Variants in SOCS2 observed in about 807,000 individuals in gnomAD.
SOCS2 encodes the protein suppressor of cytokine signaling 2.
A neutral mutation model predicts 18.6 loss-of-function variants in SOCS2; 10 were observed. That is an observed-to-expected ratio of 0.54 (90% CI 0.33 to 0.91). The LOEUF (loss-of-function observed/expected upper bound fraction) is 0.91. SOCS2 is among the 40% of genes least tolerant of loss of function. SOCS2 has a pLI of 0.02. For synonymous variants in SOCS2, 104 were observed against 104.0 expected, an observed-to-expected ratio of 1.00 and a Z score of 0.00; for missense variants, 231 against 247.2, an observed-to-expected ratio of 0.93 and a Z score of 0.44.
chr12:93,623,751 C>T, the SOCS2 span, among the ~76,000 whole-genome samples: 8 of 152,006 alleles, frequency 5.3e-5, no homozygotes, highest in Admixed American at 2.6e-4. Context: ...CTGCTGCCCA[C>T]GCAGGAGTGC....
At chr12:93,609,252 C>A in the SOCS2 span, among the ~76,000 whole-genome samples, 2 of 151,958 alleles carry the variant, frequency 1.3e-5, no homozygotes, top group Admixed American at 6.6e-5. Flanking sequence ...ATTATTTGGA[C>A]GTGGTGGTGT....
chr12:93,579,216 T>G (rs960093010), downstream of SOCS2, among the ~76,000 whole-genome samples: 1 of 152,224 alleles, frequency 6.6e-6, no homozygotes, highest in Non-Finnish European at 1.5e-5. Flanking sequence ...AAGGGATAGT[T>G]AATTCCTGCC....
the SOCS2 span, among the ~76,000 whole-genome samples, chr12:93,615,843 G>A: frequency 3.5e-3 from 532 of 152,274 alleles, 3 homozygotes; most frequent in African/African-American, 0.012. Context: ...TGATCCTCCC[G>A]CCTCGGCCTC....
Position 93,575,749 on chromosome 12 carries a change from G to A in SOCS2, c.*570G>A, listed in dbSNP as rs1344517560. ...CCAAAAAAAGTGACCATGAAGTCCT[G>A]TATTTGTCTTTTTACTACATGTAGG... On this transcript the variant is annotated 3_prime_UTR_variant, in exon 2 of 2. Coordinates refer to ENST00000551556, the MANE Select transcript of SOCS2 (RefSeq NM_001270471.2). 1 of 152,694 alleles carries A rather than the reference G, an allele frequency of 6.5e-6. No individual in the cohort carries two copies. Among genetic ancestry groups the A allele is most frequent in the East Asian group, 1.9e-4 (1 of 5,202 alleles). The allele number at this position is 152,694 out of a possible 1,614,324, so 9.5% of individuals were successfully genotyped here.
upstream of SOCS2, chr12:93,571,842 C>T (rs1452357135): frequency 1.5e-5 from 6 of 409,442 alleles, no homozygotes; most frequent in African/African-American, 4.3e-5. Flanking sequence ...TTTCCCCCCA[C>T]CCCCCCGCCC....
At chr12:93,581,351 G>T (rs1954536750), downstream of SOCS2, among the ~76,000 whole-genome samples, 1 of 151,944 alleles carries the variant, frequency 6.6e-6, no homozygotes, top group South Asian at 2.1e-4. Context: ...CAGTTTATTT[G>T]TAGCCTCTTT....
At chr12:93,588,050 G>A (rs2136719021), downstream of SOCS2, among the ~76,000 whole-genome samples, 1 of 152,326 alleles carries the variant, frequency 6.6e-6, no homozygotes, top group South Asian at 2.1e-4. Flanking sequence ...ACTTGCAAGG[G>A]ACCCATGGAT....
At chr12:93,585,175 G>A (rs1954576401), downstream of SOCS2, among the ~76,000 whole-genome samples, 1 of 151,220 alleles carries the variant, frequency 6.6e-6, no homozygotes, top group African/African-American at 2.4e-5. Context: ...TAAATGATGT[G>A]TCCATCATAA....
the SOCS2 span, among the ~76,000 whole-genome samples, chr12:93,592,120 G>GT: frequency 6.6e-6 from 1 of 152,226 alleles, no homozygotes; most frequent in South Asian, 2.1e-4. Flanking sequence ...ATTATTAAAA[G>GT]TTTCCTTTTT....
At chr12:93,614,540 C>CTTCCTTTTCTTTCT in the SOCS2 span, among the ~76,000 whole-genome samples, 1 of 37,132 alleles carries the variant, frequency 2.7e-5, no homozygotes, top group Non-Finnish European at 4.4e-5. Context: ...TCCTTCCTTC[C>CTTCCTTTTCTTTCT]TTCTTTCTTT....
At chr12:93,572,652 G>T, upstream of SOCS2, 1 of 689,944 alleles carries the variant, frequency 1.4e-6, no homozygotes. The surrounding 1 kb of genome is among the most constrained non-coding windows in gnomAD (Gnocchi z 5.0). Context: ...GGTCCAGTTT[G>T]GACTGACCCA....
chr12:93,571,750 G>A (rs561986996), upstream of SOCS2: 12 of 322,226 alleles, frequency 3.7e-5, no homozygotes, highest in African/African-American at 2.8e-4. Context: ...TGCATCCCCG[G>A]GCATCTCGTT....
the SOCS2 span, among the ~76,000 whole-genome samples, chr12:93,598,952 A>G: frequency 5.9e-5 from 9 of 152,290 alleles, no homozygotes; most frequent in African/African-American, 2.2e-4. Flanking sequence ...TATTGTCCCT[A>G]GTGCCTAGCT....
the SOCS2 span, among the ~76,000 whole-genome samples, chr12:93,620,211 C>A: frequency 1.3e-5 from 2 of 152,006 alleles, no homozygotes; most frequent in Non-Finnish European, 2.9e-5. Context: ...CAACTTGTAT[C>A]ATTTTCTCAT....
At chr12:93,618,828 C>T in the SOCS2 span, among the ~76,000 whole-genome samples, 1 of 152,178 alleles carries the variant, frequency 6.6e-6, no homozygotes, top group East Asian at 1.9e-4. Flanking sequence ...AGGATGTTGT[C>T]TACCTTGTTT....
the SOCS2 span, among the ~76,000 whole-genome samples, chr12:93,614,619 CTTT>C: frequency 1.1e-5 from 1 of 93,814 alleles, no homozygotes; most frequent in Non-Finnish European, 2.2e-5. Flanking sequence ...TTCTTTCTTT[CTTT>C]CTTTCTTTCT....
intron 1 of SOCS2, 46 bp downstream of exon 1, chr12:93,573,082 C>A: frequency 1.3e-6 from 2 of 1,542,920 alleles, no homozygotes; most frequent in Non-Finnish European, 1.7e-6. Flanking sequence ...GAGCGCCTCC[C>A]CAAGGAAGCA....
At chr12:93,620,457 C>A in the SOCS2 span, among the ~76,000 whole-genome samples, 1 of 151,906 alleles carries the variant, frequency 6.6e-6, no homozygotes, top group Non-Finnish European at 1.5e-5. Context: ...CTGTGTTGCC[C>A]CAGGCTGGAG....
the SOCS2 span, among the ~76,000 whole-genome samples, chr12:93,608,270 A>C: frequency 1.3e-5 from 2 of 151,856 alleles, no homozygotes; most frequent in Non-Finnish European, 2.9e-5. Flanking sequence ...CAAACTGTTG[A>C]GATTACAGGC....
Sources: allele counts gnomAD v4.1 joint callset (sites outside exome capture counted in the v4.1 genomes callset), GRCh38; gene constraint gnomAD v4.1.1; non-coding constraint Gnocchi (gnomAD v3.1); transcripts MANE v1.5; gene names NCBI Gene and HGNC (gene_info 2026-07-23, HGNC 2026-07-21).